Variants in DOCK3 observed in about 807,000 individuals in gnomAD.
DOCK3 encodes dedicator of cytokinesis 3, also known as dedicator of cytokinesis protein 3.
In DOCK3, 60 loss-of-function variants were observed where a neutral mutation model predicts 265.6. That is an observed-to-expected ratio of 0.23 (90% CI 0.18 to 0.28). The LOEUF is 0.28. Among genes scored for constraint, DOCK3 ranks in the 10% least tolerant of loss-of-function variants. The pLI, the probability that DOCK3 is intolerant of heterozygous loss-of-function variation, is 1.00. For missense variants in DOCK3, 1,981 were observed against 2,594.3 expected (o/e 0.76, Z 5.14); for synonymous variants, 881 against 938.0 (o/e 0.94, Z 1.11).
chr3:51,150,681 A>G (rs1307269777), intron 10 of DOCK3, among the ~76,000 whole-genome samples: 2 of 152,192 alleles, frequency 1.3e-5, no homozygotes, highest in Admixed American at 6.5e-5. Context: ...TTCTAATTTG[A>G]TTGCACTGTG....
chr3:50,725,736 T>C (rs1268270609), intron 1 of DOCK3, among the ~76,000 whole-genome samples: 1 of 152,210 alleles, frequency 6.6e-6, no homozygotes, highest in East Asian at 1.9e-4. Context: ...ATGTGGACTT[T>C]GTCTCAAATA....
chr3:51,023,662 C>T (rs1298515961), intron 5 of DOCK3, among the ~76,000 whole-genome samples: 2 of 152,134 alleles, frequency 1.3e-5, no homozygotes, highest in Non-Finnish European at 2.9e-5. Flanking sequence ...CTGATCTGCC[C>T]GCCTTGGCCT....
intron 2 of DOCK3, 114 bp downstream of exon 2, chr3:50,778,872 A>G (rs1214332655): frequency 2.0e-5 from 13 of 665,984 alleles, no homozygotes; most frequent in Non-Finnish European, 2.6e-5. Context: ...AATTAGTCAC[A>G]TGATGAAATA....
chr3:51,295,585 T>C (rs2082035972), intron 27 of DOCK3, among the ~76,000 whole-genome samples: 1 of 152,128 alleles, frequency 6.6e-6, no homozygotes, highest in Non-Finnish European at 1.5e-5. Flanking sequence ...TGTAATAAAA[T>C]CACTGAGCAA....
At chr3:51,208,004 A>G (rs1345817069) in intron 12 of DOCK3, among the ~76,000 whole-genome samples, 1 of 152,178 alleles carries the variant, frequency 6.6e-6, no homozygotes, top group African/African-American at 2.4e-5. Context: ...TTTGTTCCAA[A>G]TGGTTACGTG....
At chr3:51,286,757 G>A (rs1027849305) in intron 27 of DOCK3, among the ~76,000 whole-genome samples, 1 of 152,162 alleles carries the variant, frequency 6.6e-6, no homozygotes, top group African/African-American at 2.4e-5. Flanking sequence ...GGGATAACTG[G>A]CTAGCCATAT....
intron 4 of DOCK3, among the ~76,000 whole-genome samples, chr3:50,910,865 C>T (rs1269249931): frequency 2.0e-5 from 3 of 152,070 alleles, no homozygotes; most frequent in Admixed American, 2.0e-4. Flanking sequence ...GGTGCTCTGT[C>T]CACTCACCTC....
intron 9 of DOCK3, among the ~76,000 whole-genome samples, chr3:51,112,385 CA>C: frequency 6.6e-6 from 1 of 152,246 alleles, no homozygotes; most frequent in East Asian, 1.9e-4. Context: ...CAAGAATAGG[CA>C]AACCTGAACT....
rs951855279 is a variant in DOCK3, at chr3:51,312,123, TAGAA to T, written c.3093+47_3093+50del. On this transcript the variant is annotated intron_variant, in intron 29 of 52. Coordinates refer to ENST00000266037, the MANE Select transcript of DOCK3 (RefSeq NM_004947.5). ...TCCATCACTATTATTGCAATAACCT[TAGAA>T]AGCCAAAACCAAGCTCACTTGTTTT... The T allele has an allele frequency of 2.6e-6, 4 of 1,522,854 alleles. No individual in the cohort carries two copies. In the African/African-American group the frequency reaches 5.5e-5, roughly 21 times the overall value. 94.3% of individuals were successfully genotyped at this position (1,522,854 alleles called of 1,614,324 possible). A position where few individuals can be genotyped will look rare whatever the true frequency, so the allele number is the denominator to read the frequency against.
intron 12 of DOCK3, among the ~76,000 whole-genome samples, chr3:51,161,400 T>C (rs1024754867): frequency 1.0e-4 from 15 of 149,034 alleles, no homozygotes; most frequent in South Asian, 4.2e-4. Context: ...GCTGAGATCA[T>C]GCCACTGCAC....
At chr3:50,898,608 G>C (rs550586467) in intron 4 of DOCK3, 6 of 152,068 alleles carry the variant, frequency 3.9e-5, no homozygotes, top group African/African-American at 1.2e-4. Flanking sequence ...TTTCTCTATT[G>C]GGCATTTAGT....
chr3:51,268,240 A>G (rs1003534667), intron 23 of DOCK3, among the ~76,000 whole-genome samples: 1 of 152,186 alleles, frequency 6.6e-6, no homozygotes, highest in African/African-American at 2.4e-5. Flanking sequence ...TACCTGACCA[A>G]TCACCTGAGC....
At chr3:50,704,143 T>G (rs899310624) in intron 1 of DOCK3, among the ~76,000 whole-genome samples, 1 of 152,212 alleles carries the variant, frequency 6.6e-6, no homozygotes, top group East Asian at 1.9e-4. Flanking sequence ...GAGAAGATAC[T>G]TGATATCATT....
intron 5 of DOCK3, among the ~76,000 whole-genome samples, chr3:50,982,000 C>T (rs1239625379): frequency 6.6e-6 from 1 of 152,074 alleles, no homozygotes. Context: ...AGGAGCATGC[C>T]ACCATGCCCA....
chr3:50,889,145 G>A (rs969793763), intron 3 of DOCK3, among the ~76,000 whole-genome samples: 2 of 150,450 alleles, frequency 1.3e-5, no homozygotes, highest in African/African-American at 4.9e-5. Context: ...CATATAGGCT[G>A]GAGTATAGTG....
chr3:51,047,998 A>G (rs1482539522), intron 5 of DOCK3, among the ~76,000 whole-genome samples: 2 of 152,186 alleles, frequency 1.3e-5, no homozygotes, highest in African/African-American at 2.4e-5. Context: ...AATATTCAGA[A>G]ACTGAATTCA....
chr3:51,281,958 G>A (rs9860962), intron 27 of DOCK3, among the ~76,000 whole-genome samples: 138,846 of 152,244 alleles, frequency 0.91, 63,460 homozygotes, highest in African/African-American at 0.96. Context: ...TACTTTCTGC[G>A]GAAAGGGTGC....
chr3:50,709,181 T>TAA (rs1304147636), intron 1 of DOCK3, among the ~76,000 whole-genome samples: 1 of 152,210 alleles, frequency 6.6e-6, no homozygotes, highest in East Asian at 1.9e-4. Flanking sequence ...TTTCTTCACT[T>TAA]TATTGTTGGA....
At chr3:51,086,016 T>C (rs2082406726) in intron 7 of DOCK3, among the ~76,000 whole-genome samples, 1 of 152,040 alleles carries the variant, frequency 6.6e-6, no homozygotes, top group Non-Finnish European at 1.5e-5. Context: ...CACAGAAATA[T>C]AGAGGTGTGG....
Sources: gnomAD v4.1 joint callset for allele counts (sites outside exome capture counted in the v4.1 genomes callset) on GRCh38, gnomAD v4.1.1 for gene constraint, MANE v1.5 for transcripts, NCBI Gene and HGNC (gene_info 2026-07-23, HGNC 2026-07-21) for gene names.